Variants in NYAP2 observed in about 807,000 individuals in gnomAD.
NYAP2 encodes the protein neuronal tyrosine-phosphorylated phosphoinositide-3-kinase adaptor 2.
In NYAP2, 23 loss-of-function variants were observed where a neutral mutation model predicts 50.4. The observed-to-expected ratio is 0.46, with a 90% CI of 0.33 to 0.65. NYAP2 has a LOEUF of 0.65. NYAP2 is among the 30% of genes least tolerant of loss of function. The pLI, the probability that NYAP2 is intolerant of heterozygous loss-of-function variation, is 0.02. For synonymous variants in NYAP2, 394 were observed against 365.2 expected (o/e 1.08, Z -0.90); for missense variants, 885 against 861.0 (o/e 1.03, Z -0.35).
exon 7 of NYAP2, chr2:225,652,387 A>G (rs1197416164): frequency 6.6e-6 from 1 of 152,222 alleles, no homozygotes; most frequent in Non-Finnish European, 1.5e-5. Flanking sequence ...GAGAAAAGAG[A>G]CAAGAAATAA....
chr2:225,498,642 A>T (rs1414274304), intron 3 of NYAP2, among the ~76,000 whole-genome samples: 2 of 151,926 alleles, frequency 1.3e-5, no homozygotes, highest in Non-Finnish European at 2.9e-5. Context: ...AAGTAAGAAT[A>T]TCATTTAGTA....
chr2:225,640,872 T>TA (rs1200993888), intron 6 of NYAP2, among the ~76,000 whole-genome samples: 1 of 152,190 alleles, frequency 6.6e-6, no homozygotes, highest in African/African-American at 2.4e-5. Context: ...ACTATATAGA[T>TA]ACCCTGAACA....
intron 3 of NYAP2, among the ~76,000 whole-genome samples, chr2:225,419,093 G>C (rs779910508): frequency 6.6e-6 from 1 of 152,190 alleles, no homozygotes; most frequent in Non-Finnish European, 1.5e-5. Flanking sequence ...CTTTTGCGCA[G>C]TTAGTGAAAT....
exon 7 of NYAP2, chr2:225,651,500 C>T (rs374775042): frequency 9.9e-6 from 16 of 1,613,832 alleles, no homozygotes; most frequent in Non-Finnish European, 1.3e-5. Flanking sequence ...ATCAGTCACT[C>T]CCCTCAGGCA....
At chr2:225,619,499 T>C (rs1482953898) in intron 5 of NYAP2, among the ~76,000 whole-genome samples, 1 of 152,168 alleles carries the variant, frequency 6.6e-6, no homozygotes, top group Non-Finnish European at 1.5e-5. Context: ...TCAATGTTGA[T>C]GAGGAAGAGT....
At chr2:225,458,964 C>T (rs1409941626) in intron 3 of NYAP2, among the ~76,000 whole-genome samples, 1 of 152,208 alleles carries the variant, frequency 6.6e-6, no homozygotes, top group Non-Finnish European at 1.5e-5. Context: ...GTCTACTCTG[C>T]TTTCAGTTCC....
chr2:225,447,244 C>G (rs1461207485), intron 3 of NYAP2, among the ~76,000 whole-genome samples: 1 of 152,180 alleles, frequency 6.6e-6, no homozygotes, highest in Non-Finnish European at 1.5e-5. Context: ...TCCCTTCTAC[C>G]TCTAGATTAG....
At chr2:225,671,493 A>T in the NYAP2 span, among the ~76,000 whole-genome samples, 1 of 152,080 alleles carries the variant, frequency 6.6e-6, no homozygotes, top group South Asian at 2.1e-4. Flanking sequence ...TCTTGTTATA[A>T]TTTCCACTTT....
intron 5 of NYAP2, among the ~76,000 whole-genome samples, chr2:225,584,498 G>A (rs1438756268): frequency 6.6e-6 from 1 of 152,148 alleles, no homozygotes; most frequent in Non-Finnish European, 1.5e-5. Context: ...TAAAAATGCC[G>A]TAGGCACCTA....
At chr2:225,661,341 G>T in the NYAP2 span, among the ~76,000 whole-genome samples, 1 of 152,168 alleles carries the variant, frequency 6.6e-6, no homozygotes, top group African/African-American at 2.4e-5. Flanking sequence ...TTTAGCACTA[G>T]CACCCAGCTC....
At chr2:225,624,123 A>G (rs1693169076) in intron 5 of NYAP2, among the ~76,000 whole-genome samples, 1 of 152,180 alleles carries the variant, frequency 6.6e-6, no homozygotes, top group African/African-American at 2.4e-5. Flanking sequence ...TATGTTATTT[A>G]TTTTTTCTTT....
intron 3 of NYAP2, among the ~76,000 whole-genome samples, chr2:225,411,667 A>T (rs1322951038): frequency 6.6e-6 from 1 of 152,146 alleles, no homozygotes; most frequent in Non-Finnish European, 1.5e-5. Flanking sequence ...TGATAGGAAC[A>T]GTGGAAGAAT....
At chr2:225,657,279 T>G (rs928698119), downstream of NYAP2, among the ~76,000 whole-genome samples, 1 of 151,766 alleles carries the variant, frequency 6.6e-6, no homozygotes, top group Non-Finnish European at 1.5e-5. Flanking sequence ...CAGGCTAAAT[T>G]TTTTGTATTT....
chr2:225,634,826 C>T (rs538265985), intron 6 of NYAP2, among the ~76,000 whole-genome samples: 1 of 152,076 alleles, frequency 6.6e-6, no homozygotes, highest in East Asian at 1.9e-4. Context: ...ATCACAAAGA[C>T]CTTGAGAGGT....
At position 225,513,355 on chromosome 2, in the gene NYAP2, CT is replaced by C; in HGVS notation, c.222-15del. ...TCCTTTTGTCTTCATGGTTTTTGGT[CT>C]GCTTTCTTTTACAGCATAGGTGGAG... On this transcript the variant is annotated splice_polypyrimidine_tract_variant and intron_variant, in intron 3 of 6. Transcript: ENST00000636099. 1 of 1,612,774 alleles carries C rather than the reference CT, an allele frequency of 6.2e-7. No homozygotes were observed. Among genetic ancestry groups the C allele is most frequent in the Middle Eastern group, 1.7e-4 (1 of 6,044 alleles).
intron 3 of NYAP2, among the ~76,000 whole-genome samples, chr2:225,477,227 A>ATT (rs1690128140): frequency 1.4e-5 from 1 of 71,412 alleles, no homozygotes; most frequent in Non-Finnish European, 2.7e-5. Flanking sequence ...GAGAGTCTCT[A>ATT]TTTCTTTTTT....
chr2:225,561,789 C>T (rs1691880159), intron 4 of NYAP2, among the ~76,000 whole-genome samples: 1 of 152,022 alleles, frequency 6.6e-6, no homozygotes, highest in Admixed American at 6.6e-5. Context: ...GTAGCCTGCA[C>T]ATATCATTCT....
intron 3 of NYAP2, among the ~76,000 whole-genome samples, chr2:225,480,039 T>A (rs1690179647): frequency 6.6e-6 from 1 of 152,062 alleles, no homozygotes; most frequent in Non-Finnish European, 1.5e-5. Context: ...AAAAGTTAAG[T>A]CAATCAAAGT....
At chr2:225,425,488 T>C (rs1427217595) in intron 3 of NYAP2, among the ~76,000 whole-genome samples, 2 of 152,190 alleles carry the variant, frequency 1.3e-5, no homozygotes, top group African/African-American at 4.8e-5. Context: ...AGGGCACAAG[T>C]ACGGTATTTT....
Sources: allele counts gnomAD v4.1 joint callset (sites outside exome capture counted in the v4.1 genomes callset), GRCh38; gene constraint gnomAD v4.1.1; transcripts MANE v1.5; gene names NCBI Gene and HGNC (gene_info 2026-07-23, HGNC 2026-07-21).